PPFIA2: variants seen among roughly 807,000 people sequenced by gnomAD.
PPFIA2 encodes PPFI scaffold protein A2.
In PPFIA2, 46 loss-of-function variants were observed where a neutral mutation model predicts 175.5. The observed-to-expected ratio is 0.26, with a 90% CI of 0.21 to 0.34. PPFIA2 has a LOEUF of 0.34. PPFIA2 is among the 10% of genes least tolerant of loss of function. PPFIA2 has a pLI of 1.00. For synonymous variants in PPFIA2, 568 were observed against 511.4 expected (o/e 1.11, Z -1.49); for missense variants, 1,179 against 1,506.1 (o/e 0.78, Z 3.60).
intron 22 of PPFIA2, among the ~76,000 whole-genome samples, chr12:81,304,659 T>A (rs1282203808): frequency 6.6e-6 from 1 of 151,174 alleles, no homozygotes; most frequent in Non-Finnish European, 1.5e-5. Context: ...ATTAAAGGAG[T>A]GGAATTAAAT....
intron 4 of PPFIA2, among the ~76,000 whole-genome samples, chr12:81,477,836 T>C (rs1206858306): frequency 6.6e-6 from 1 of 152,054 alleles, no homozygotes; most frequent in Non-Finnish European, 1.5e-5. Flanking sequence ...CGCATTGATG[T>C]TCATCAGGAA....
chr12:81,410,000 A>G (rs1376776064), intron 7 of PPFIA2, among the ~76,000 whole-genome samples: 1 of 152,108 alleles, frequency 6.6e-6, no homozygotes, highest in African/African-American at 2.4e-5. Flanking sequence ...GGTCTTTAGG[A>G]GACGATAAAT....
At chr12:81,302,926 T>C (rs982079867) in intron 22 of PPFIA2, among the ~76,000 whole-genome samples, 1 of 152,176 alleles carries the variant, frequency 6.6e-6, no homozygotes, top group African/African-American at 2.4e-5. Context: ...GATGATATGC[T>C]AATAGATTAT....
In PPFIA2 at chr12:81,451,546, T is replaced by C. The variant is rs1037555395; in HGVS notation, c.406-5826A>G. On this transcript the variant is annotated intron_variant, in intron 5 of 32. Coordinates refer to ENST00000549396, the MANE Select transcript of PPFIA2 (RefSeq NM_003625.5). ...GAAAGCTCAGTTTAGAGATTTCTTATATGCTTTAATTAATGTCTTTATTTA... is the reference window on the plus strand; with the variant it reads ...GAAAGCTCAGTTTAGAGATTTCTTACATGCTTTAATTAATGTCTTTATTTA... Among the ~76,000 whole-genome samples the C allele has an allele frequency of 3.9e-4, 60 of 152,220 alleles. 3 individuals are homozygous for C. Among genetic ancestry groups the C allele is most frequent in the Non-Finnish European group, 8.8e-5 (6 of 68,040 alleles).
intron 4 of PPFIA2, among the ~76,000 whole-genome samples, chr12:81,665,563 T>C (rs1015992746): frequency 6.6e-6 from 1 of 152,058 alleles, no homozygotes; most frequent in Non-Finnish European, 1.5e-5. Context: ...TATAGATGCT[T>C]AAGTAGTTCT....
At chr12:81,289,958 G>C (rs559985548) in intron 24 of PPFIA2, among the ~76,000 whole-genome samples, 10 of 151,700 alleles carry the variant, frequency 6.6e-5, no homozygotes, top group Non-Finnish European at 1.0e-4. Flanking sequence ...GAAATTTAGG[G>C]CTGGCTCAAG....
chr12:81,288,546 G>A lies in PPFIA2; in HGVS notation c.2926-4243C>T, dbSNP rs117354975. Reference sequence around the variant, plus strand: ...ACAATGAACTTAAGAAATAACTTGTGAAAATTAATCAGGTGAAAATAATGA... The same window carrying A: ...ACAATGAACTTAAGAAATAACTTGTAAAAATTAATCAGGTGAAAATAATGA... On this transcript the variant is annotated intron_variant, in intron 24 of 32. Transcript: ENST00000549396. Among the ~76,000 whole-genome samples the A allele has an allele frequency of 1.1e-4, 16 of 151,820 alleles. No homozygotes were observed. In the East Asian group the frequency reaches 3.1e-3, roughly 29 times the overall value.
rs1273768304 is a variant in PPFIA2, at chr12:81,445,542, T to C, written c.570+14A>G. ...GAAGTGTAGTTAAGCTTGAACTCTT[T>C]TTCCATACTATACCTTTTCATCCAA... On this transcript the variant is annotated intron_variant, in intron 6 of 32. Coordinates refer to ENST00000549396, the MANE Select transcript of PPFIA2 (RefSeq NM_003625.5). The C allele has an allele frequency of 6.2e-7, 1 of 1,607,990 alleles. No homozygotes were observed.
At chr12:81,342,442 T>C (rs1595128518) in intron 19 of PPFIA2, among the ~76,000 whole-genome samples, 1 of 152,234 alleles carries the variant, frequency 6.6e-6, no homozygotes, top group Middle Eastern at 3.4e-3. Flanking sequence ...TTTATAAATG[T>C]GTTTATCTAT....
intron 3 of PPFIA2, 59 bp from the exon 4 acceptor site, chr12:81,676,903 A>G: frequency 8.3e-7 from 1 of 1,204,324 alleles, no homozygotes; most frequent in Non-Finnish European, 1.2e-6. Context: ...AGAATCCCCC[A>G]GTCCCACAGT....
intron 23 of PPFIA2, among the ~76,000 whole-genome samples, chr12:81,297,082 T>C (rs186917555): frequency 3.3e-5 from 5 of 152,256 alleles, no homozygotes; most frequent in African/African-American, 7.2e-5. Flanking sequence ...GAGAGTCCCA[T>C]ATGACAAGGA....
chr12:81,434,332 A>G (rs1464500969), intron 7 of PPFIA2, among the ~76,000 whole-genome samples: 1 of 152,156 alleles, frequency 6.6e-6, no homozygotes, highest in African/African-American at 2.4e-5. Flanking sequence ...ATGAGAACAT[A>G]TTACAAAAAT....
chr12:81,666,242 C>T (rs973683866), intron 4 of PPFIA2, among the ~76,000 whole-genome samples: 8 of 152,118 alleles, frequency 5.3e-5, no homozygotes, highest in East Asian at 1.9e-4. Context: ...ACTGTTTGAC[C>T]CAGCCATCCC....
At chr12:81,726,636 A>C (rs2080114801) in intron 3 of PPFIA2, among the ~76,000 whole-genome samples, 1 of 151,258 alleles carries the variant, frequency 6.6e-6, no homozygotes, top group South Asian at 2.1e-4. Flanking sequence ...CTAGAATTAC[A>C]AACAATTCAA....
chr12:81,613,623 T>C (rs947277854), intron 4 of PPFIA2, among the ~76,000 whole-genome samples: 2 of 152,184 alleles, frequency 1.3e-5, no homozygotes, highest in Non-Finnish European at 2.9e-5. Flanking sequence ...ATACATAATT[T>C]GGATTTTTTA....
At chr12:81,478,837 T>C (rs1438571849) in intron 4 of PPFIA2, among the ~76,000 whole-genome samples, 1 of 152,112 alleles carries the variant, frequency 6.6e-6, no homozygotes, top group Non-Finnish European at 1.5e-5. Context: ...TTACTTCCAA[T>C]TATGTGGTCA....
intron 2 of PPFIA2, among the ~76,000 whole-genome samples, chr12:81,757,683 C>T (rs2084900776): frequency 6.6e-6 from 1 of 152,152 alleles, no homozygotes; most frequent in Non-Finnish European, 1.5e-5. Context: ...CCACTGGAGT[C>T]CTCACTCAAG....
intron 4 of PPFIA2, among the ~76,000 whole-genome samples, chr12:81,587,295 A>C (rs1346197463): frequency 6.6e-6 from 1 of 151,858 alleles, no homozygotes; most frequent in African/African-American, 2.4e-5. Flanking sequence ...GTGAGTTCTC[A>C]TGAGATCTGA....
Position 81,720,236 on chromosome 12 carries a change from G to T in PPFIA2, c.249+33737C>A, listed in dbSNP as rs374671920. ...GTGCAGAAACACTTGCTCTCAACAG[G>T]ATTCTTTAATTAGGAAAAGAAATGT... On this transcript the variant is annotated intron_variant, in intron 3 of 32. Transcript: ENST00000549396. 2.0e-5 allele frequency among the ~76,000 whole-genome samples: 3 copies of T among 151,428 alleles called. No individual in the cohort carries two copies. The East Asian group carries it at 5.9e-4, about 30-fold the overall frequency.
Sources: gnomAD v4.1 joint callset for allele counts (sites outside exome capture counted in the v4.1 genomes callset) on GRCh38, gnomAD v4.1.1 for gene constraint, MANE v1.5 for transcripts, NCBI Gene and HGNC (gene_info 2026-07-23, HGNC 2026-07-21) for gene names.